NBAS: variants seen among roughly 807,000 people sequenced by gnomAD.
NBAS encodes the protein NAG/BC035112 fusion.
In NBAS, 219 loss-of-function variants were observed where a neutral mutation model predicts 302.5. The observed-to-expected ratio is 0.72, with a 90% CI of 0.65 to 0.81. The LOEUF (loss-of-function observed/expected upper bound fraction) is 0.81, where lower values mean the gene tolerates loss of function less well. Ranked by LOEUF, NBAS falls within the 30% of genes least tolerant of loss-of-function variation. The pLI is 0.00. For synonymous variants in NBAS, 1,118 were observed against 1,021.6 expected (o/e 1.09, Z -1.80); for missense variants, 2,932 against 2,841.6 (o/e 1.03, Z -0.72).
chr2:15,463,388 C>G (rs1679587997), intron 19 of NBAS, among the ~76,000 whole-genome samples: 1 of 152,172 alleles, frequency 6.6e-6, no homozygotes, highest in African/African-American at 2.4e-5. Flanking sequence ...TCAAAAGACA[C>G]TGTATGAAAC....
intron 21 of NBAS, among the ~76,000 whole-genome samples, chr2:15,438,692 A>G (rs1678162137): frequency 6.6e-6 from 1 of 152,222 alleles, no homozygotes; most frequent in Non-Finnish European, 1.5e-5. Flanking sequence ...TGGGCTGCAG[A>G]GACAGAGTTT....
the NBAS span, among the ~76,000 whole-genome samples, chr2:14,878,854 G>T: frequency 6.6e-6 from 1 of 152,068 alleles, no homozygotes; most frequent in Non-Finnish European, 1.5e-5. Flanking sequence ...TGTTTGTGTT[G>T]TACATGCTAT....
intron 31 of NBAS, 55 bp from the exon 32 acceptor site, chr2:15,366,748 T>C (rs1674227492): frequency 6.6e-7 from 1 of 1,512,024 alleles, no homozygotes; most frequent in Non-Finnish European, 9.2e-7. Flanking sequence ...AAAAGGGTGT[T>C]AATGGCCTTC....
the NBAS span, among the ~76,000 whole-genome samples, chr2:14,900,112 C>CTTTTTTTTTTTTTTTTTTTTTTTTTT: frequency 2.8e-5 from 4 of 140,636 alleles, 1 homozygote; most frequent in Non-Finnish European, 1.5e-5. Flanking sequence ...AAGTCACATG[C>CTTTTTTTTTTTTTTTTTTTTTTTTTT]TTTTTTTTTT....
chr2:15,028,945 C>T, the NBAS span, among the ~76,000 whole-genome samples: 4 of 152,164 alleles, frequency 2.6e-5, no homozygotes, highest in Non-Finnish European at 5.9e-5. Context: ...GCAAGGAACT[C>T]ATCGGTGTCA....
chr2:15,228,942 T>C (rs1259540726), intron 47 of NBAS, among the ~76,000 whole-genome samples: 2 of 152,214 alleles, frequency 1.3e-5, no homozygotes, highest in Non-Finnish European at 2.9e-5. Flanking sequence ...CCATGTATTG[T>C]ATATTTCAAG....
At chr2:14,902,668 T>A in the NBAS span, among the ~76,000 whole-genome samples, 1 of 152,130 alleles carries the variant, frequency 6.6e-6, no homozygotes, top group Admixed American at 6.5e-5. Flanking sequence ...TGATCAAAAT[T>A]ATAATCATCA....
intron 18 of NBAS, 75 bp downstream of exon 18, chr2:15,467,589 T>C: frequency 6.9e-7 from 1 of 1,442,162 alleles, no homozygotes; most frequent in Non-Finnish European, 9.7e-7. Flanking sequence ...GGACTAATTA[T>C]TACTAGTAAG....
intron 21 of NBAS, among the ~76,000 whole-genome samples, chr2:15,435,509 T>C (rs1170882959): frequency 6.6e-6 from 1 of 152,194 alleles, no homozygotes; most frequent in Non-Finnish European, 1.5e-5. Context: ...CAATATTATC[T>C]TTCTCATTTT....
intron 21 of NBAS, among the ~76,000 whole-genome samples, chr2:15,442,386 C>A (rs1416006683): frequency 1.3e-5 from 2 of 150,870 alleles, no homozygotes; most frequent in Non-Finnish European, 1.5e-5. Context: ...ACTGAACAAC[C>A]TGCTCCTGAA....
the NBAS span, among the ~76,000 whole-genome samples, chr2:14,872,730 C>T: frequency 6.6e-6 from 1 of 152,036 alleles, no homozygotes; most frequent in Non-Finnish European, 1.5e-5. Flanking sequence ...TGCAGACCCT[C>T]GCAGTGAGTG....
the NBAS span, among the ~76,000 whole-genome samples, chr2:14,814,333 T>C: frequency 1.3e-5 from 2 of 152,194 alleles, no homozygotes; most frequent in Admixed American, 6.5e-5. Context: ...CCACAGGCAC[T>C]CAATGCCAGC....
chr2:15,319,754 A>C (rs1671705856), intron 38 of NBAS, among the ~76,000 whole-genome samples: 1 of 152,220 alleles, frequency 6.6e-6, no homozygotes, highest in South Asian at 2.1e-4. Flanking sequence ...GCAATAATTA[A>C]CAGCCTACCA....
At chr2:15,368,799 G>T (rs1004754958) in intron 31 of NBAS, among the ~76,000 whole-genome samples, 1 of 152,202 alleles carries the variant, frequency 6.6e-6, no homozygotes, top group African/African-American at 2.4e-5. Flanking sequence ...GCTGTTAAGA[G>T]TCATCGTGGA....
At chr2:15,238,200 C>T (rs1558463845) in intron 45 of NBAS, among the ~76,000 whole-genome samples, 2 of 152,168 alleles carry the variant, frequency 1.3e-5, no homozygotes, top group Non-Finnish European at 2.9e-5. Context: ...TCAACTCCTG[C>T]TACCATCTCC....
the NBAS span, among the ~76,000 whole-genome samples, chr2:14,825,650 A>AG: frequency 6.6e-6 from 1 of 152,142 alleles, no homozygotes; most frequent in African/African-American, 2.4e-5. Context: ...GGGGAAGAAA[A>AG]AAAAATGGTC....
the NBAS span, among the ~76,000 whole-genome samples, chr2:15,043,910 C>T: frequency 2.0e-5 from 3 of 152,110 alleles, no homozygotes; most frequent in African/African-American, 4.8e-5. Context: ...CTGTCTGTTG[C>T]CTGAAAACTT....
At chr2:15,022,346 C>T in the NBAS span, among the ~76,000 whole-genome samples, 9 of 152,242 alleles carry the variant, frequency 5.9e-5, no homozygotes, top group African/African-American at 1.4e-4. Flanking sequence ...CTATCTAAGA[C>T]GGTGATGTTG....
At chr2:15,043,307 T>C in the NBAS span, among the ~76,000 whole-genome samples, 100 of 152,270 alleles carry the variant, frequency 6.6e-4, no homozygotes, top group Non-Finnish European at 1.1e-3. Flanking sequence ...GCTTGGCTCC[T>C]AGTCCTGCTG....
Sources: allele counts gnomAD v4.1 joint callset (sites outside exome capture counted in the v4.1 genomes callset), GRCh38; gene constraint gnomAD v4.1.1; transcripts MANE v1.5; gene names NCBI Gene and HGNC (gene_info 2026-07-23, HGNC 2026-07-21).